Variants in CNTNAP4 observed in about 807,000 individuals in gnomAD.
CNTNAP4 encodes the protein contactin associated protein family member 4, also known as contactin-associated protein-like 4.
CNTNAP4 carries 98 observed loss-of-function variants against 148.4 expected under a neutral mutation model. The observed-to-expected ratio is 0.66, with a 90% CI of 0.56 to 0.78. The LOEUF is 0.78. Ranked by LOEUF, CNTNAP4 falls within the 30% of genes least tolerant of loss-of-function variation. The pLI, the probability that CNTNAP4 is intolerant of heterozygous loss-of-function variation, is 0.00. For synonymous variants in CNTNAP4, 730 were observed against 565.1 expected (o/e 1.29, Z -4.14); for missense variants, 1,935 against 1,565.6 (o/e 1.24, Z -3.98).
chr16:76,474,009 C>T lies in CNTNAP4; in HGVS notation c.1656-1930C>T, dbSNP rs1191709346. On this transcript the variant is annotated intron_variant, in intron 10 of 23. Coordinates refer to ENST00000611870, the MANE Select transcript of CNTNAP4 (RefSeq NM_033401.5). ...AAGCTGTTGGTGCATGGTGCTCTGCCTGTCTCAGTAACTGTTTGCTGCACC... is the reference window on the plus strand; with the variant it reads ...AAGCTGTTGGTGCATGGTGCTCTGCTTGTCTCAGTAACTGTTTGCTGCACC... Among the ~76,000 whole-genome samples the T allele has an allele frequency of 2.0e-5, 3 of 152,064 alleles. No homozygotes were observed. The South Asian group carries it at 6.2e-4, about 32-fold the overall frequency.
At chr16:76,380,042 G>A (rs1219539462) in intron 3 of CNTNAP4, among the ~76,000 whole-genome samples, 1 of 152,166 alleles carries the variant, frequency 6.6e-6, no homozygotes, top group Non-Finnish European at 1.5e-5. Context: ...TGTGGTGAAT[G>A]TTGTGAATAT....
At chr16:76,338,298 C>T (rs530950342) in intron 2 of CNTNAP4, among the ~76,000 whole-genome samples, 76 of 152,286 alleles carry the variant, frequency 5.0e-4, no homozygotes, top group African/African-American at 1.6e-3. Flanking sequence ...TCCCTCCATT[C>T]GGGGTCCCCG....
chr16:76,414,748 G>T (rs114153861), intron 3 of CNTNAP4, among the ~76,000 whole-genome samples: 255 of 151,376 alleles, frequency 1.7e-3, no homozygotes, highest in African/African-American at 5.9e-3. Flanking sequence ...TTTGGTAAGT[G>T]GCGATTGGTT....
chr16:76,484,877 T>C (rs2081971030), intron 12 of CNTNAP4, among the ~76,000 whole-genome samples: 1 of 152,224 alleles, frequency 6.6e-6, no homozygotes, highest in African/African-American at 2.4e-5. Flanking sequence ...AATATGTGTC[T>C]TATTAAAAAA....
chr16:76,548,655 C>G (rs1421052412), intron 21 of CNTNAP4, among the ~76,000 whole-genome samples: 1 of 151,972 alleles, frequency 6.6e-6, no homozygotes, highest in East Asian at 2.0e-4. Context: ...TACTTTTTAA[C>G]AGGCACAAAC....
At chr16:76,492,545 T>G in intron 13 of CNTNAP4, among the ~76,000 whole-genome samples, 1 of 152,042 alleles carries the variant, frequency 6.6e-6, no homozygotes, top group Admixed American at 6.6e-5. Context: ...CTTGATATGG[T>G]TTGGCTGTGT....
intron 23 of CNTNAP4, among the ~76,000 whole-genome samples, chr16:76,555,296 G>A (rs1412155250): frequency 6.6e-6 from 1 of 152,036 alleles, no homozygotes; most frequent in Non-Finnish European, 1.5e-5. Flanking sequence ...AGTTAATGAT[G>A]TACAAATTAA....
chr16:76,285,626 T>G (rs1324397514), intron 1 of CNTNAP4, among the ~76,000 whole-genome samples: 1 of 152,090 alleles, frequency 6.6e-6, no homozygotes, highest in Non-Finnish European at 1.5e-5. Context: ...GGGTCATAGG[T>G]TGATATTACT....
intron 3 of CNTNAP4, among the ~76,000 whole-genome samples, chr16:76,371,574 C>G (rs2014828136): frequency 6.6e-6 from 1 of 152,152 alleles, no homozygotes; most frequent in South Asian, 2.1e-4. Flanking sequence ...CATGAGCCAC[C>G]ACACCTGGCC....
chr16:76,388,703 T>G (rs1179877122), intron 3 of CNTNAP4, among the ~76,000 whole-genome samples: 1 of 152,234 alleles, frequency 6.6e-6, no homozygotes, highest in Non-Finnish European at 1.5e-5. Context: ...CTAGGAAATG[T>G]TCTAGACATT....
At chr16:76,475,546 C>G (rs961986849) in intron 10 of CNTNAP4, among the ~76,000 whole-genome samples, 1 of 152,122 alleles carries the variant, frequency 6.6e-6, no homozygotes, top group Non-Finnish European at 1.5e-5. Flanking sequence ...CTCTGTCTTC[C>G]TTTTTTCTTT....
At chr16:76,499,733 T>C (rs1430791034) in intron 15 of CNTNAP4, among the ~76,000 whole-genome samples, 1 of 150,404 alleles carries the variant, frequency 6.6e-6, no homozygotes, top group Admixed American at 6.6e-5. Flanking sequence ...TGTCCCTGGG[T>C]ACTTGAGATT....
At chr16:76,501,085 T>C (rs865958480) in intron 15 of CNTNAP4, among the ~76,000 whole-genome samples, 2 of 152,236 alleles carry the variant, frequency 1.3e-5, no homozygotes, top group African/African-American at 2.4e-5. Context: ...AAAAATTATA[T>C]ATACATTGTA....
chr16:76,317,485 A>G (rs1474179246), intron 2 of CNTNAP4, among the ~76,000 whole-genome samples: 1 of 152,224 alleles, frequency 6.6e-6, no homozygotes, highest in Non-Finnish European at 1.5e-5. Context: ...GGTAAAATTC[A>G]TCTGCACATG....
At chr16:76,463,721 T>C (rs1260790559) in intron 9 of CNTNAP4, among the ~76,000 whole-genome samples, 2 of 152,328 alleles carry the variant, frequency 1.3e-5, no homozygotes, top group East Asian at 3.9e-4. Flanking sequence ...GTCTCTCTGC[T>C]AAAGAAAGAT....
chr16:76,451,599 A>ATG (rs71134761), intron 7 of CNTNAP4, among the ~76,000 whole-genome samples: 10,118 of 141,290 alleles, frequency 0.072, 524 homozygotes, highest in African/African-American at 0.16. Context: ...TTTTAGATAG[A>ATG]TGTGTGTGTG....
At chr16:76,397,332 C>A (rs1361968636) in intron 3 of CNTNAP4, among the ~76,000 whole-genome samples, 2 of 151,852 alleles carry the variant, frequency 1.3e-5, no homozygotes, top group Non-Finnish European at 2.9e-5. Flanking sequence ...TGCTAGTGAT[C>A]CCCGAGCTAC....
rs117608836 is a variant in CNTNAP4, at chr16:76,332,069, T to G, written c.196+15546T>G. Among the ~76,000 whole-genome samples the G allele has an allele frequency of 5.6e-3, 854 of 152,354 alleles. 5 individuals carry two copies. Among genetic ancestry groups the G allele is most frequent in the African/African-American group, 0.014 (598 of 41,596 alleles). On this transcript the variant is annotated intron_variant, in intron 2 of 23. Coordinates refer to ENST00000611870, the MANE Select transcript of CNTNAP4 (RefSeq NM_033401.5). Reference sequence around the variant, plus strand: ...GGCCGCCCTGGTTTCTGCCCAGAAATCTGCTGTTGAGGACCCTTTATAGGT... The same window carrying G: ...GGCCGCCCTGGTTTCTGCCCAGAAAGCTGCTGTTGAGGACCCTTTATAGGT...
intron 3 of CNTNAP4, among the ~76,000 whole-genome samples, chr16:76,379,858 T>A (rs989871110): frequency 3.3e-5 from 5 of 152,196 alleles, no homozygotes; most frequent in African/African-American, 1.2e-4. Context: ...CCTGGGTTAA[T>A]GATATGTGAA....
Sources: gnomAD v4.1 joint callset for allele counts (sites outside exome capture counted in the v4.1 genomes callset) on GRCh38, gnomAD v4.1.1 for gene constraint, MANE v1.5 for transcripts, NCBI Gene and HGNC (gene_info 2026-07-23, HGNC 2026-07-21) for gene names.